The following PCOLCE variants were observed in gnomAD, a reference collection of about 807,000 sequenced individuals.
PCOLCE encodes procollagen C-endopeptidase enhancer, also known as procollagen C-endopeptidase enhancer 1.
In PCOLCE, 33 loss-of-function variants were observed where a neutral mutation model predicts 47.2. The ratio of observed to expected loss-of-function variants is 0.70; its 90% CI spans 0.53 to 0.93. PCOLCE has a LOEUF of 0.93. PCOLCE is among the 40% of genes least tolerant of loss of function. The probability of loss-of-function intolerance (pLI) is 0.00; values close to 1 mark genes in which losing one functional copy is unlikely to be tolerated. For missense variants in PCOLCE, 584 were observed against 585.3 expected (o/e 1.00, Z 0.02); for synonymous variants, 254 against 252.5 (o/e 1.01, Z -0.06).
chr7:100,602,430 G>A lies in PCOLCE; in HGVS notation c.-27G>A, dbSNP rs376151098. The A allele has an allele frequency of 1.0e-5, 15 of 1,470,934 alleles. No individual in the cohort carries two copies. Among genetic ancestry groups the A allele is most frequent in the African/African-American group, 1.4e-5 (1 of 72,208 alleles). 91.1% of individuals were successfully genotyped at this position (1,470,934 alleles called of 1,614,324 possible). A position where few individuals can be genotyped will look rare whatever the true frequency, so the allele number is the denominator to read the frequency against. ...AATTCAGCTGCTGCCTCTGTCTTGA[G>A]GACCCCAGCGCCTTTCCCCCGGGGC... On this transcript the variant is annotated 5_prime_UTR_variant, in exon 1 of 9. Coordinates refer to ENST00000223061, the MANE Select transcript of PCOLCE (RefSeq NM_002593.4).
At position 100,607,986 on chromosome 7, in the gene PCOLCE, C is replaced by T; in HGVS notation, c.1233C>T (p.Val411=). The change falls in exon 9 of 9, where the codon GTC becomes GTT. Residue 411 remains valine, a synonymous_variant. Coordinates refer to ENST00000223061, the MANE Select transcript of PCOLCE (RefSeq NM_002593.4). ...MGQVEENRGP[V]LPPESFVVLH... is the part of the protein sequence containing the mutation. The stretch of plus-strand genomic sequence containing the variant: ...AGGTAGAAGAGAACAGAGGCCCCGT[C>T]CTTCCTCCAGAGAGCTTTGTGGTTC... The T allele has an allele frequency of 6.2e-7, 1 of 1,614,134 alleles. No homozygotes were observed. The highest frequency in any genetic ancestry group is 1.3e-5 in the African/African-American group (1 of 75,036).
chr7:100,604,800 G>A lies in PCOLCE; in HGVS notation c.464-291G>A. On this transcript the variant is annotated intron_variant, in intron 3 of 8. Transcript: ENST00000223061. The surrounding 1 kb of genome is among the most constrained non-coding windows in gnomAD (Gnocchi z 6.4). ...GGAGATGGGATCTCCTAGGGGAAGA[G>A]GCGCGGTGCGGCCGCGGGTCGGGGA... 1.8e-5 allele frequency: 8 copies of A among 455,398 alleles called. 1 individual carries two copies. The South Asian group carries it at 2.0e-4, about 12-fold the overall frequency. 28.2% of individuals were successfully genotyped at this position (455,398 alleles called of 1,614,324 possible). A position where few individuals can be genotyped will look rare whatever the true frequency, so the allele number is the denominator to read the frequency against.
chr7:100,605,252 C>A lies in PCOLCE; in HGVS notation c.588+37C>A. ...CCTCCCCGGGCTGCCCTAGGGGACCCAGGCGGCGCCCTCCAGCTTGCAGCC... is the reference window on the plus strand; with the variant it reads ...CCTCCCCGGGCTGCCCTAGGGGACCAAGGCGGCGCCCTCCAGCTTGCAGCC... On this transcript the variant is annotated intron_variant, in intron 4 of 8. Coordinates refer to ENST00000223061, the MANE Select transcript of PCOLCE (RefSeq NM_002593.4). The surrounding 1 kb of genome is among the most constrained non-coding windows in gnomAD (Gnocchi z 6.1). 1.3e-6 allele frequency: 2 copies of A among 1,582,958 alleles called. No individual in the cohort carries two copies. Among genetic ancestry groups the A allele is most frequent in the Non-Finnish European group, 8.6e-7 (1 of 1,158,764 alleles).
rs144010281 is a variant in PCOLCE, at chr7:100,605,128, G to A, written c.501G>A (p.Gln167=). The A allele has an allele frequency of 8.0e-3, 12,913 of 1,612,816 alleles. 64 individuals carry two copies. The highest frequency in any genetic ancestry group is 9.9e-3 in the Non-Finnish European group (11,621 of 1,179,588). Residue 167 remains glutamine (Q), a synonymous_variant, in exon 4 of 9, where the codon CAG becomes CAA. Coordinates refer to ENST00000223061, the MANE Select transcript of PCOLCE (RefSeq NM_002593.4). This position sits in a 1 kb window ranked among gnomAD's most constrained non-coding sequence, Gnocchi z 6.1. ...QFCGGRLEKA[Q]GTLTTPNWPE... is the part of the protein sequence containing the mutation. ...GCGGGGGGCGGCTGGAGAAGGCCCAGGGAACCCTGACCACGCCCAACTGGC... is the reference window on the plus strand; with the variant it reads ...GCGGGGGGCGGCTGGAGAAGGCCCAAGGAACCCTGACCACGCCCAACTGGC...
At position 100,604,988 on chromosome 7, in the gene PCOLCE, C is replaced by CA. The variant is rs1411660471; in HGVS notation, c.464-102dup. 6.6e-6 allele frequency: 5 copies of CA among 763,012 alleles called. No homozygotes were observed. The highest frequency in any genetic ancestry group is 2.2e-6 in the Non-Finnish European group (1 of 453,976). 47.3% of individuals were successfully genotyped at this position (763,012 alleles called of 1,614,324 possible). On this transcript the variant is annotated intron_variant, in intron 3 of 8. Transcript: ENST00000223061. The surrounding 1 kb of genome is among the most constrained non-coding windows in gnomAD (Gnocchi z 6.4). The stretch of plus-strand genomic sequence containing the variant: ...CTTCTCGTCCCCTCATCCTGAGCCC[C>CA]AGACATCCGAGCTGCCTGCCGGGGC...
Position 100,605,853 on chromosome 7 carries a change from G to C in PCOLCE, c.725+41G>C. ...TGGGCGAGTCCGGGAGAGAGTCGGC[G>C]GACCGCACGCACGCGGCTGTTTGGA... On this transcript the variant is annotated intron_variant, in intron 5 of 8. Transcript: ENST00000223061. The surrounding 1 kb of genome is among the most constrained non-coding windows in gnomAD (Gnocchi z 6.1). 1 of 1,539,738 alleles carries C rather than the reference G, an allele frequency of 6.5e-7. No homozygotes were observed. Among genetic ancestry groups the C allele is most frequent in the Non-Finnish European group, 8.8e-7 (1 of 1,139,098 alleles).
At chr7:100,607,892 A>C (rs1168323176) in intron 8 of PCOLCE, 45 bp from the exon 9 acceptor site, 1 of 1,612,048 alleles carries the variant, frequency 6.2e-7, no homozygotes, top group East Asian at 2.2e-5. Context: ...ACCTGCTGAC[A>C]GGTCTCAAGA....
chr7:100,607,406 C>T lies in PCOLCE; in HGVS notation c.941-46C>T, dbSNP rs759474908. 12 of 1,473,766 alleles carry T rather than the reference C, an allele frequency of 8.1e-6. No homozygotes were observed. The East Asian group carries it at 2.5e-4, about 31-fold the overall frequency. 91.3% of individuals were successfully genotyped at this position (1,473,766 alleles called of 1,614,324 possible). On this transcript the variant is annotated intron_variant, in intron 6 of 8. Transcript: ENST00000223061. ...TGAGGCTGTTATGGGGACAGTGCTC[C>T]CTCCTACCTGCTGAGCAGGTCACCC...
chr7:100,603,932 GGTCCCCGCCTCT>G lies in PCOLCE; in HGVS notation c.205-18_205-7del, dbSNP rs1320764619. On this transcript the variant is annotated splice_polypyrimidine_tract_variant and intron_variant, in intron 2 of 8. Transcript: ENST00000223061. ...GGGTTGTGTGGGGCCTGACTCTGTGGGTCCCCGCCTCTGTCCCCGCTATCAGGTCCCCGAGGG... is the reference window on the plus strand; with the variant it reads ...GGGTTGTGTGGGGCCTGACTCTGTGGGTCCCCGCTATCAGGTCCCCGAGGG... 1.9e-6 allele frequency: 3 copies of G among 1,595,172 alleles called. No homozygotes were observed. The South Asian group carries it at 3.3e-5, about 18-fold the overall frequency.
In PCOLCE at chr7:100,604,682, A is replaced by G; in HGVS notation, c.464-409A>G. On this transcript the variant is annotated intron_variant, in intron 3 of 8. Transcript: ENST00000223061. The surrounding 1 kb of genome is among the most constrained non-coding windows in gnomAD (Gnocchi z 6.4). ...GCAGAAGTCTCCCTTGCAATGTTTCAGGCGGGGACCTCCCTAAAGGGGTCC... is the reference window on the plus strand; with the variant it reads ...GCAGAAGTCTCCCTTGCAATGTTTCGGGCGGGGACCTCCCTAAAGGGGTCC... 3.2e-6 allele frequency: 1 copy of G among 314,642 alleles called. No homozygotes were observed. Among genetic ancestry groups the G allele is most frequent in the African/African-American group, 2.2e-5 (1 of 45,282 alleles). 19.5% of individuals were successfully genotyped at this position (314,642 alleles called of 1,614,324 possible).
intron 1 of PCOLCE, 100 bp downstream of exon 1, chr7:100,602,651 AC>A: frequency 1.3e-6 from 1 of 765,258 alleles, no homozygotes; most frequent in African/African-American, 1.7e-5. Flanking sequence ...TTGCTGACAC[AC>A]CACTCCCCAG....
At chr7:100,606,259 G>C in intron 5 of PCOLCE, 157 bp from the exon 6 acceptor site, 1 of 597,928 alleles carries the variant, frequency 1.7e-6, no homozygotes. Context: ...AACCCAGAAG[G>C]TCAAGGCTGC....
In PCOLCE at chr7:100,608,011, C is replaced by A. The variant is rs199764794; in HGVS notation, c.1258C>A (p.Leu420Ile). The A allele has an allele frequency of 6.2e-7, 1 of 1,614,106 alleles. No individual in the cohort carries two copies. The highest frequency in any genetic ancestry group is 8.5e-7 in the Non-Finnish European group (1 of 1,179,994). The change falls in exon 9 of 9, where the codon CTC (leucine) becomes ATC (isoleucine). Residue 420 changes from leucine (L) to isoleucine (I), a missense_variant. Coordinates refer to ENST00000223061, the MANE Select transcript of PCOLCE (RefSeq NM_002593.4). ...CCTTCCTCCAGAGAGCTTTGTGGTTCTCCACCGGCCCAACCAGGACCAGAT... is the reference window on the plus strand; with the variant it reads ...CCTTCCTCCAGAGAGCTTTGTGGTTATCCACCGGCCCAACCAGGACCAGAT... Reference protein sequence around the residue: ...PVLPPESFVVLHRPNQDQILT... With the variant: ...PVLPPESFVVIHRPNQDQILT...
At position 100,607,959 on chromosome 7, in the gene PCOLCE, C is replaced by T. The variant is rs773556699; in HGVS notation, c.1206C>T (p.Gly402=). ...MKKGVSYLLM[G]QVEENRGPVL... ...CAGGAGTCAGTTATCTGCTGATGGG[C>T]CAGGTAGAAGAGAACAGAGGCCCCG... is the stretch of plus-strand genomic sequence containing the variant. The change falls in exon 9 of 9, where the codon GGC becomes GGT. Residue 402 remains glycine, a synonymous_variant. Coordinates refer to ENST00000223061, the MANE Select transcript of PCOLCE (RefSeq NM_002593.4). The T allele has an allele frequency of 1.2e-6, 2 of 1,614,148 alleles. No individual in the cohort carries two copies. Among genetic ancestry groups the T allele is most frequent in the Admixed American group, 1.7e-5 (1 of 60,028 alleles).
chr7:100,604,165 A>C lies in PCOLCE; in HGVS notation c.411A>C (p.Thr137=), dbSNP rs767492855. ...TGAGGATGACGACGGATGAGGGCAC[A>C]GGAGGACGAGGCTTCCTGCTCTGGT... is the stretch of plus-strand genomic sequence containing the variant. ...VTLRMTTDEG[T]GGRGFLLWYS... is the part of the protein sequence containing the mutation. The change falls in exon 3 of 9, where the codon ACA becomes ACC. Residue 137 remains threonine, a synonymous_variant. Transcript: ENST00000223061. This position sits in a 1 kb window ranked among gnomAD's most constrained non-coding sequence, Gnocchi z 6.4. The C allele has an allele frequency of 2.5e-6, 4 of 1,613,354 alleles. No homozygotes were observed. Among genetic ancestry groups the C allele is most frequent in the Non-Finnish European group, 3.4e-6 (4 of 1,179,952 alleles).
At position 100,603,546 on chromosome 7, in the gene PCOLCE, A is replaced by C; in HGVS notation, c.204+8A>C. On this transcript the variant is annotated splice_region_variant and intron_variant, in intron 2 of 8. Transcript: ENST00000223061. ...TGCATCTGGACCATAACGGTGAGAA[A>C]CCCCTCTGGGCACTACCCCTTGTTA... 6.8e-7 allele frequency: 1 copy of C among 1,466,416 alleles called. No homozygotes were observed. The highest frequency in any genetic ancestry group is 9.5e-7 in the Non-Finnish European group (1 of 1,055,782). The allele number at this position is 1,466,416 out of a possible 1,614,324, so 90.8% of individuals were successfully genotyped here.
chr7:100,606,389 C>G (rs1329428012), intron 5 of PCOLCE, 27 bp from the exon 6 acceptor site: 1 of 1,569,228 alleles, frequency 6.4e-7, no homozygotes, highest in African/African-American at 1.4e-5. Flanking sequence ...CCTGACACTT[C>G]CCCCAATGCT....
intron 6 of PCOLCE, among the ~76,000 whole-genome samples, chr7:100,607,099 A>AAAAAAAAAAAAAC (rs1193019242): frequency 4.0e-5 from 6 of 151,578 alleles, no homozygotes; most frequent in African/African-American, 1.5e-4. Context: ...TCAAAAAAAA[A>AAAAAAAAAAAAAC]AAAAAAACTT....
rs767745916 is a variant in PCOLCE at position 100,602,419 on chromosome 7, C to T, written c.-38C>T. 4.4e-6 allele frequency: 6 copies of T among 1,353,822 alleles called. No individual in the cohort carries two copies. In the South Asian group the frequency reaches 7.0e-5, roughly 16 times the overall value. The allele number at this position is 1,353,822 out of a possible 1,614,324, so 83.9% of individuals were successfully genotyped here. On this transcript the variant is annotated 5_prime_UTR_variant, in exon 1 of 9. Transcript: ENST00000223061. ...CTGCTCTGCAAAATTCAGCTGCTGC[C>T]TCTGTCTTGAGGACCCCAGCGCCTT... is the stretch of plus-strand genomic sequence containing the variant.
Sources: gnomAD v4.1 joint callset for allele counts (sites outside exome capture counted in the v4.1 genomes callset) on GRCh38, gnomAD v4.1.1 for gene constraint, Gnocchi (gnomAD v3.1) non-coding constraint, MANE v1.5 for transcripts, NCBI Gene and HGNC (gene_info 2026-07-23, HGNC 2026-07-21) for gene names.